The following NELL1 variants were observed in gnomAD, a reference collection of about 807,000 sequenced individuals.
The protein encoded by NELL1 is protein kinase C-binding protein NELL1.
In NELL1, 76 loss-of-function variants were observed where a neutral mutation model predicts 107.4. That is an observed-to-expected ratio of 0.71 (90% confidence interval 0.59 to 0.86). The LOEUF is 0.86. Ranked by LOEUF, NELL1 falls within the 40% of genes least tolerant of loss-of-function variation. The pLI is 0.00. For synonymous variants in NELL1, 353 were observed against 341.2 expected (o/e 1.03, Z -0.38); for missense variants, 1,024 against 1,005.5 (o/e 1.02, Z -0.25).
At chr11:20,734,870 C>T (rs571439418) in intron 2 of NELL1, among the ~76,000 whole-genome samples, 20 of 152,098 alleles carry the variant, frequency 1.3e-4, no homozygotes, top group Non-Finnish European at 2.1e-4. Flanking sequence ...GCAGCAGTGG[C>T]CCCTGGGGAT....
At chr11:20,735,407 A>T (rs1031618986) in intron 2 of NELL1, among the ~76,000 whole-genome samples, 3 of 152,216 alleles carry the variant, frequency 2.0e-5, no homozygotes, top group Admixed American at 6.5e-5. Context: ...TCTTCTTCAC[A>T]TGATGACAGG....
intron 12 of NELL1, among the ~76,000 whole-genome samples, chr11:21,004,154 A>T (rs1355571788): frequency 6.6e-6 from 1 of 151,944 alleles, no homozygotes; most frequent in Non-Finnish European, 1.5e-5. Context: ...TAGTTATTTT[A>T]GTTATTTCTG....
chr11:20,815,396 T>C (rs1201856576), intron 3 of NELL1, among the ~76,000 whole-genome samples: 1 of 152,200 alleles, frequency 6.6e-6, no homozygotes, highest in African/African-American at 2.4e-5. Context: ...GTGGTTTGCA[T>C]TTCTCTAATG....
Position 20,964,899 on chromosome 11 carries a change from G to A in NELL1, c.1300+4339G>A, listed in dbSNP as rs374981649. On this transcript the variant is annotated intron_variant, in intron 12 of 19. Transcript: ENST00000357134. ...CCCAGAATGAAGATGACATGGAACC[G>A]TGTGACAACTGACAGGTGATGGGTA... 5.9e-5 allele frequency among the ~76,000 whole-genome samples: 9 copies of A among 152,000 alleles called. No individual in the cohort carries two copies. In the South Asian group the frequency reaches 6.2e-4, roughly 10 times the overall value.
chr11:21,290,606 T>C (rs1485809908), intron 14 of NELL1, among the ~76,000 whole-genome samples: 2 of 152,012 alleles, frequency 1.3e-5, no homozygotes, highest in African/African-American at 4.8e-5. Flanking sequence ...CTGGCTGGCA[T>C]ATGGCAGGTG....
intron 13 of NELL1, among the ~76,000 whole-genome samples, chr11:21,141,648 G>A (rs1855869985): frequency 6.6e-6 from 1 of 152,200 alleles, no homozygotes; most frequent in African/African-American, 2.4e-5. Flanking sequence ...TAAGGAAACA[G>A]CAGTAGCTTA....
intron 13 of NELL1, among the ~76,000 whole-genome samples, chr11:21,147,855 A>G (rs1284949843): frequency 6.6e-6 from 1 of 150,900 alleles, no homozygotes; most frequent in Non-Finnish European, 1.5e-5. Flanking sequence ...AAAAAAAAAA[A>G]AAAAAAAAAA....
chr11:21,085,752 TA>T (rs1407088648), intron 12 of NELL1, among the ~76,000 whole-genome samples: 1 of 152,052 alleles, frequency 6.6e-6, no homozygotes, highest in African/African-American at 2.4e-5. Context: ...TAGAGTAGAA[TA>T]GGGGACAGGA....
intron 2 of NELL1, among the ~76,000 whole-genome samples, chr11:20,724,380 C>G (rs762126322): frequency 1.3e-5 from 2 of 152,192 alleles, no homozygotes; most frequent in East Asian, 3.9e-4. Context: ...ACCATCTCTT[C>G]GTGAGCATAT....
intron 15 of NELL1, among the ~76,000 whole-genome samples, chr11:21,392,018 T>G (rs1851890287): frequency 6.6e-6 from 1 of 151,822 alleles, no homozygotes; most frequent in East Asian, 2.0e-4. Context: ...TCTGGAGCAA[T>G]TAAACTTGAT....
At chr11:21,324,808 G>C (rs149658295) in intron 14 of NELL1, among the ~76,000 whole-genome samples, 139 of 152,136 alleles carry the variant, frequency 9.1e-4, no homozygotes, top group Non-Finnish European at 1.7e-3. Flanking sequence ...GGCCCAGAAG[G>C]AAGAGGAAAG....
chr11:21,439,151 G>A (rs778444293), intron 15 of NELL1, among the ~76,000 whole-genome samples: 20 of 151,802 alleles, frequency 1.3e-4, no homozygotes, highest in Non-Finnish European at 2.6e-4. Context: ...CTATAGACAA[G>A]TCAACTAAAA....
At chr11:21,278,391 T>A (rs989970460) in intron 14 of NELL1, among the ~76,000 whole-genome samples, 9 of 152,250 alleles carry the variant, frequency 5.9e-5, no homozygotes, top group African/African-American at 1.9e-4. Context: ...AGAAATTTTT[T>A]AAAAAATCAA....
chr11:20,744,814 A>G (rs1243591584), intron 2 of NELL1, among the ~76,000 whole-genome samples: 1 of 152,092 alleles, frequency 6.6e-6, no homozygotes, highest in African/African-American at 2.4e-5. Context: ...GTAGGGAGGG[A>G]ATATATTTGC....
At chr11:21,325,424 C>T (rs1341302639) in intron 14 of NELL1, among the ~76,000 whole-genome samples, 1 of 152,056 alleles carries the variant, frequency 6.6e-6, no homozygotes, top group Admixed American at 6.6e-5. Context: ...TAAGGCTACA[C>T]CAATTTAGTT....
chr11:20,694,702 A>G (rs1854568336), intron 2 of NELL1, among the ~76,000 whole-genome samples: 1 of 152,102 alleles, frequency 6.6e-6, no homozygotes, highest in African/African-American at 2.4e-5. Flanking sequence ...AATAGAAAAT[A>G]TAGAAGTGGG....
intron 12 of NELL1, among the ~76,000 whole-genome samples, chr11:20,966,502 A>G (rs1397786679): frequency 2.0e-5 from 3 of 152,052 alleles, no homozygotes; most frequent in Non-Finnish European, 2.9e-5. Context: ...ATTTATTTCC[A>G]GATATTCAGA....
rs544401535 is a variant in NELL1, at chr11:20,881,692, A to G, written c.507-3752A>G. Among the ~76,000 whole-genome samples, 506 of 151,716 alleles carry G rather than the reference A, an allele frequency of 3.3e-3. 4 individuals carry two copies. The highest frequency in any genetic ancestry group is 7.0e-3 in the Middle Eastern group (2 of 286). ...CTCCTTTGGAAAGTTTTCTCTGACT[A>G]TGGCAGGCAGAATTCTGTTTTGTTT... On this transcript the variant is annotated intron_variant, in intron 4 of 19. Coordinates refer to ENST00000357134, the MANE Select transcript of NELL1 (RefSeq NM_006157.5).
intron 15 of NELL1, among the ~76,000 whole-genome samples, chr11:21,454,783 T>C (rs1853682510): frequency 1.3e-5 from 2 of 152,238 alleles, no homozygotes; most frequent in African/African-American, 4.8e-5. Context: ...GAAATAGCTC[T>C]GGTCATTGTT....
Sources: allele counts gnomAD v4.1 joint callset (sites outside exome capture counted in the v4.1 genomes callset), GRCh38; gene constraint gnomAD v4.1.1; transcripts MANE v1.5; gene names NCBI Gene and HGNC (gene_info 2026-07-23, HGNC 2026-07-21).